RYR2: variants seen among roughly 807,000 people sequenced by gnomAD.
The protein encoded by RYR2 is cardiac muscle ryanodine receptor-calcium release channel.
RYR2 carries 227 observed loss-of-function variants against 601.1 expected under a neutral mutation model. The observed-to-expected ratio is 0.38, with a 90% CI of 0.34 to 0.42. RYR2 has a LOEUF of 0.42. Ranked by LOEUF, RYR2 falls within the 10% of genes least tolerant of loss-of-function variation. The pLI is 1.00. For synonymous variants in RYR2, 2,223 were observed against 2,175.1 expected, an observed-to-expected ratio of 1.02 and a Z score of -0.61; for missense variants, 4,646 against 6,156.5, an observed-to-expected ratio of 0.75 and a Z score of 8.21.
intron 13 of RYR2, among the ~76,000 whole-genome samples, chr1:237,442,988 A>T (rs1708042052): frequency 6.6e-6 from 1 of 152,212 alleles, no homozygotes; most frequent in Non-Finnish European, 1.5e-5. Context: ...ATGTGAATCT[A>T]CTTTTCCAAC....
chr1:237,331,117 T>A, intron 3 of RYR2, 135 bp downstream of exon 3: 1 of 742,990 alleles, frequency 1.3e-6, no homozygotes, highest in Non-Finnish European at 2.4e-6. Context: ...TGTCCTTAGG[T>A]TTGACTTTCT....
At chr1:237,792,007 C>A in intron 93 of RYR2, 98 bp from the exon 94 acceptor site, 1 of 851,080 alleles carries the variant, frequency 1.2e-6, no homozygotes, top group South Asian at 1.5e-5. Flanking sequence ...GACTTCACAT[C>A]CAACTATTTG....
chr1:237,578,362 T>C (rs79042448), intron 29 of RYR2, among the ~76,000 whole-genome samples: 43,929 of 151,930 alleles, frequency 0.29, 6,807 homozygotes, highest in East Asian at 0.61. Flanking sequence ...CAGGGTGCTT[T>C]GTATGTGTAG....
chr1:237,664,464 G>A (rs148804769), intron 56 of RYR2, among the ~76,000 whole-genome samples: 15 of 152,270 alleles, frequency 9.9e-5, no homozygotes, highest in East Asian at 1.9e-4. Context: ...ACGTGGCTGC[G>A]GAGGCCTCAC....
chr1:237,286,385 G>C (rs1691559373), intron 2 of RYR2, among the ~76,000 whole-genome samples: 1 of 151,666 alleles, frequency 6.6e-6, no homozygotes, highest in Non-Finnish European at 1.5e-5. Context: ...CTGAGGGATT[G>C]CTTGATATAA....
At chr1:237,630,964 TGTA>T (rs1680178550) in intron 41 of RYR2, among the ~76,000 whole-genome samples, 1 of 152,136 alleles carries the variant, frequency 6.6e-6, no homozygotes. Flanking sequence ...ATAACACTAT[TGTA>T]ATAATATACA....
intron 7 of RYR2, 147 bp downstream of exon 7, chr1:237,374,942 G>T (rs1302277642): frequency 1.6e-6 from 1 of 638,946 alleles, no homozygotes; most frequent in African/African-American, 1.8e-5. Context: ...TTTCCTAGAA[G>T]GGGAAAGTGT....
At chr1:237,686,594 C>T (rs1686415491) in intron 62 of RYR2, among the ~76,000 whole-genome samples, 1 of 152,082 alleles carries the variant, frequency 6.6e-6, no homozygotes, top group South Asian at 2.1e-4. Flanking sequence ...CTGTGAGGAT[C>T]CCACCCAGCT....
intron 62 of RYR2, among the ~76,000 whole-genome samples, chr1:237,683,651 C>A (rs931493023): frequency 1.1e-4 from 17 of 151,968 alleles, no homozygotes; most frequent in African/African-American, 4.1e-4. Flanking sequence ...TATTAACTGT[C>A]AGAATCAGGA....
chr1:237,186,558 G>A (rs1173487054), intron 1 of RYR2, among the ~76,000 whole-genome samples: 1 of 152,174 alleles, frequency 6.6e-6, no homozygotes, highest in Non-Finnish European at 1.5e-5. Context: ...TTACATTTGT[G>A]TTTTTTCAAC....
intron 2 of RYR2, among the ~76,000 whole-genome samples, chr1:237,304,017 A>G (rs548398363): frequency 1.3e-5 from 2 of 152,292 alleles, no homozygotes; most frequent in South Asian, 2.1e-4. Context: ...TTAGTAGAGA[A>G]TGAGTGGTAT....
At chr1:237,473,431 CTCTT>C (rs58358151) in intron 17 of RYR2, among the ~76,000 whole-genome samples, 2,184 of 115,894 alleles carry the variant, frequency 0.019, 56 homozygotes, top group East Asian at 0.14. Flanking sequence ...CTCTCTCTCT[CTCTT>C]TCTTTCTTTC....
chr1:237,785,121 G>C, intron 90 of RYR2, 149 bp downstream of exon 90: 1 of 678,886 alleles, frequency 1.5e-6, no homozygotes, highest in Non-Finnish European at 2.6e-6. Flanking sequence ...GGTAGACAAA[G>C]TTAGTGTTTT....
chr1:237,136,547 C>T (rs550349612), intron 1 of RYR2, among the ~76,000 whole-genome samples: 10 of 152,302 alleles, frequency 6.6e-5, no homozygotes, highest in Non-Finnish European at 1.2e-4. Context: ...CCTCCTGTCT[C>T]GCACAGTGGT....
intron 97 of RYR2, 52 bp downstream of exon 97, chr1:237,798,222 A>G: frequency 6.5e-7 from 1 of 1,528,004 alleles, no homozygotes; most frequent in Non-Finnish European, 8.9e-7. Context: ...AGGGGAAAAC[A>G]TTAATACATT....
Position 237,720,016 on chromosome 1 carries a change from C to T in RYR2, c.10554+1495C>T, listed in dbSNP as rs571005597. On this transcript the variant is annotated intron_variant, in intron 73 of 104. Coordinates refer to ENST00000366574, the MANE Select transcript of RYR2 (RefSeq NM_001035.3). The stretch of plus-strand genomic sequence containing the variant: ...TTGGAATAAAAACATGGATGGAAAT[C>T]GATAGAACACCTACTTTTTAATGGT... 1.1e-4 allele frequency among the ~76,000 whole-genome samples: 16 copies of T among 152,270 alleles called. No homozygotes were observed. In the South Asian group the frequency reaches 2.9e-3, roughly 28 times the overall value.
chr1:237,248,277 A>ACCCCCCCCCCCCCC (rs1215094555), intron 1 of RYR2, among the ~76,000 whole-genome samples: 2 of 6,890 alleles, frequency 2.9e-4, no homozygotes, highest in Admixed American at 1.7e-3. Flanking sequence ...ACCCCCCGCA[A>ACCCCCCCCCCCCCC]CCCCGCCCCC....
rs376640906 is a variant in RYR2 at position 237,762,769 on chromosome 1, C to T, written c.11476+1741C>T. On this transcript the variant is annotated intron_variant, in intron 84 of 104. Coordinates refer to ENST00000366574, the MANE Select transcript of RYR2 (RefSeq NM_001035.3). ...CACATAAGAAAATAATTACTCAAACCGATTAACACGTTTTGTATTATTTCC... is the reference window on the plus strand; with the variant it reads ...CACATAAGAAAATAATTACTCAAACTGATTAACACGTTTTGTATTATTTCC... Among the ~76,000 whole-genome samples the T allele has an allele frequency of 4.6e-5, 7 of 152,244 alleles. No homozygotes were observed. In the South Asian group the frequency reaches 6.2e-4, roughly 14 times the overall value.
intron 1 of RYR2, among the ~76,000 whole-genome samples, chr1:237,175,657 C>T (rs574983717): frequency 6.6e-6 from 1 of 152,266 alleles, no homozygotes; most frequent in South Asian, 2.1e-4. Context: ...CCTTGTATAT[C>T]ATTTTGAATG....
Sources: gnomAD v4.1 joint callset for allele counts (sites outside exome capture counted in the v4.1 genomes callset) on GRCh38, gnomAD v4.1.1 for gene constraint, MANE v1.5 for transcripts, NCBI Gene and HGNC (gene_info 2026-07-23, HGNC 2026-07-21) for gene names.